Variants in MACIR observed in about 807,000 individuals in gnomAD.
MACIR encodes the protein UNC119-binding protein C5orf30.
MACIR carries 4 observed loss-of-function variants against 14.3 expected under a neutral mutation model. That is an observed-to-expected ratio of 0.28 (90% CI 0.14 to 0.64). The LOEUF is 0.64. Ranked by LOEUF, MACIR falls within the 30% of genes least tolerant of loss-of-function variation. MACIR has a pLI of 0.83. For missense variants in MACIR, 228 were observed against 257.6 expected (o/e 0.89, Z 0.79); for synonymous variants, 101 against 102.4 (o/e 0.99, Z 0.08).
chr5:103,263,669 A>G (rs1415193467), intron 1 of MACIR, among the ~76,000 whole-genome samples: 1 of 152,198 alleles, frequency 6.6e-6, no homozygotes, highest in Non-Finnish European at 1.5e-5. Flanking sequence ...GAGATTTAAG[A>G]CTGTCAAAAC....
At position 103,261,926 on chromosome 5, in the gene MACIR, T is replaced by A. The variant is rs1445912400; in HGVS notation, c.-114+3030T>A. Among the ~76,000 whole-genome samples, 9 of 152,256 alleles carry A rather than the reference T, an allele frequency of 5.9e-5. No individual in the cohort carries two copies. In the East Asian group the frequency reaches 1.7e-3, roughly 29 times the overall value. On this transcript the variant is annotated intron_variant, in intron 1 of 2. Coordinates refer to ENST00000319933, the MANE Select transcript of MACIR (RefSeq NM_033211.4). ...AATATTTGAAAGGGCTATGTGCTGGTCCTCATATTTATAGTCTTATGATTT... is the reference window on the plus strand; with the variant it reads ...AATATTTGAAAGGGCTATGTGCTGGACCTCATATTTATAGTCTTATGATTT...
At chr5:103,264,218 T>C (rs1045355646) in intron 1 of MACIR, among the ~76,000 whole-genome samples, 1 of 152,086 alleles carries the variant, frequency 6.6e-6, no homozygotes, top group African/African-American at 2.4e-5. Context: ...GTCAGACCAA[T>C]TGGGGTTCCA....
intron 1 of MACIR, among the ~76,000 whole-genome samples, chr5:103,265,199 C>T (rs142724561): frequency 7.9e-4 from 121 of 152,212 alleles, no homozygotes; most frequent in African/African-American, 2.9e-3. Context: ...AGTGCTTTTT[C>T]AGTCACTCTC....
At chr5:103,274,878 A>G (rs1805263137) in intron 2 of MACIR, among the ~76,000 whole-genome samples, 1 of 152,200 alleles carries the variant, frequency 6.6e-6, no homozygotes, top group East Asian at 1.9e-4. Context: ...GCAAGTACAA[A>G]TAGTTTCTCA....
intron 2 of MACIR, among the ~76,000 whole-genome samples, chr5:103,271,717 G>C (rs1805133433): frequency 6.6e-6 from 1 of 151,942 alleles, no homozygotes; most frequent in Non-Finnish European, 1.5e-5. Flanking sequence ...ATTGTTCCTG[G>C]TACTTTTTAA....
In MACIR at chr5:103,276,420, T is replaced by C; in HGVS notation, c.501T>C (p.Ser167=). 1 of 1,613,960 alleles carries C rather than the reference T, an allele frequency of 6.2e-7. No individual in the cohort carries two copies. Among genetic ancestry groups the C allele is most frequent in the Non-Finnish European group, 8.5e-7 (1 of 1,179,996 alleles). Residue 167 remains serine, a synonymous_variant, in exon 3 of 3, where the codon TCT becomes TCC. Transcript: ENST00000319933. ...AAGGTAAGAGGGCTCACTCCAAATCTCTGGACTACCTCAATCTAGATAAAA... is the reference window on the plus strand; with the variant it reads ...AAGGTAAGAGGGCTCACTCCAAATCCCTGGACTACCTCAATCTAGATAAAA... ...LLKGKRAHSK[S]LDYLNLDKMI... is the part of the protein sequence containing the mutation.
rs563937543 is a variant in MACIR, at chr5:103,270,775, A to C, written c.-24+4778A>C. On this transcript the variant is annotated intron_variant, in intron 2 of 2. Transcript: ENST00000319933. ...TAATTTTTGTTTCTAGGAGTGTGTC[A>C]CTGACTCAGACACCCTATAGCATAG... Among the ~76,000 whole-genome samples the C allele has an allele frequency of 3.3e-5, 5 of 152,218 alleles. No individual in the cohort carries two copies. In the East Asian group the frequency reaches 5.8e-4, roughly 18 times the overall value.
intron 1 of MACIR, among the ~76,000 whole-genome samples, chr5:103,262,008 A>G (rs1262728281): frequency 6.6e-6 from 1 of 152,248 alleles, no homozygotes; most frequent in African/African-American, 2.4e-5. Context: ...TCTGTGCTGA[A>G]GCTTGAGATT....
chr5:103,259,324 C>A (rs1804575817), intron 1 of MACIR: 1 of 151,984 alleles, frequency 6.6e-6, no homozygotes, highest in African/African-American at 2.4e-5. Context: ...GTCGTGCGCT[C>A]GCTGGGGAGG....
intron 2 of MACIR, among the ~76,000 whole-genome samples, chr5:103,275,127 T>G (rs1316698338): frequency 2.0e-5 from 3 of 152,240 alleles, no homozygotes; most frequent in African/African-American, 7.2e-5. Context: ...AAGCCTGTGG[T>G]GTATTTTATG....
rs1316791094 is a variant in MACIR at position 103,276,196 on chromosome 5, T to C, written c.277T>C (p.Ser93Pro). The change falls in exon 3 of 3, where the codon TCC becomes CCC. Residue 93 changes from serine to proline, a missense_variant. Physicochemically the swap from Ser to Pro is moderately conservative, Grantham distance 74 (BLOSUM62 -1). Transcript: ENST00000319933. The stretch of plus-strand genomic sequence containing the variant: ...AGCAGAAGCCATGCCATCCTTACGC[T>C]CCAAACAGCTAGATGCAGGACTTGC... ...SKAEAMPSLR[S>P]KQLDAGLARS... 1.2e-6 allele frequency: 2 copies of C among 1,613,418 alleles called. No individual in the cohort carries two copies. The highest frequency in any genetic ancestry group is 2.7e-5 in the African/African-American group (2 of 74,662).
intron 2 of MACIR, among the ~76,000 whole-genome samples, chr5:103,267,094 G>C (rs1306592542): frequency 1.3e-5 from 2 of 152,064 alleles, no homozygotes; most frequent in Non-Finnish European, 2.9e-5. Context: ...GAATGTATGT[G>C]TATCTATGTC....
intron 2 of MACIR, among the ~76,000 whole-genome samples, chr5:103,270,939 A>C (rs942486336): frequency 2.6e-5 from 4 of 152,162 alleles, no homozygotes; most frequent in African/African-American, 7.2e-5. Context: ...CATGAAAAAT[A>C]TGTTTGATAA....
At chr5:103,263,115 T>C (rs527766968) in intron 1 of MACIR, among the ~76,000 whole-genome samples, 123 of 152,308 alleles carry the variant, frequency 8.1e-4, no homozygotes, top group African/African-American at 2.8e-3. Flanking sequence ...TTATGGGTTA[T>C]GTCTTAAAGA....
rs782230140 is a variant in MACIR at position 103,276,047 on chromosome 5, C to T, written c.128C>T (p.Pro43Leu). 4 of 1,614,090 alleles carry T rather than the reference C, an allele frequency of 2.5e-6. No homozygotes were observed. The highest frequency in any genetic ancestry group is 2.2e-5 in the East Asian group (1 of 44,870). Residue 43 changes from proline to leucine, a missense_variant, in exon 3 of 3, where the codon CCG (proline) becomes CTG (leucine). Pro to Leu is a moderately conservative substitution (Grantham distance 98). Transcript: ENST00000319933. ...CGCTGCTCCAGCACACCCTGCTCCC[C>T]GATGCGGAGGACCGTGTCAGGCTAC... The part of the protein sequence containing the change: ...KPRCSSTPCS[P>L]MRRTVSGYQI...
chr5:103,274,033 T>A (rs1805231499), intron 2 of MACIR, among the ~76,000 whole-genome samples: 2 of 152,114 alleles, frequency 1.3e-5, no homozygotes, highest in South Asian at 4.1e-4. Context: ...TTTGCCTCAC[T>A]GACCCTCCTT....
At chr5:103,260,853 C>G (rs1463450819) in intron 1 of MACIR, among the ~76,000 whole-genome samples, 1 of 152,196 alleles carries the variant, frequency 6.6e-6, no homozygotes, top group Admixed American at 6.5e-5. Flanking sequence ...GATTTTGTCA[C>G]CAGCCTATCA....
chr5:103,272,403 C>G (rs892943969), intron 2 of MACIR, among the ~76,000 whole-genome samples: 1 of 150,940 alleles, frequency 6.6e-6, no homozygotes, highest in Non-Finnish European at 1.5e-5. Context: ...AGGAGGTACC[C>G]AGACTTCTTC....
At chr5:103,273,992 T>G (rs1284300329) in intron 2 of MACIR, among the ~76,000 whole-genome samples, 1 of 152,086 alleles carries the variant, frequency 6.6e-6, no homozygotes, top group Non-Finnish European at 1.5e-5. Flanking sequence ...TGTGAGTGTG[T>G]GCCCTTTCCT....
Sources: gnomAD v4.1 joint callset for allele counts (sites outside exome capture counted in the v4.1 genomes callset) on GRCh38, gnomAD v4.1.1 for gene constraint, MANE v1.5 for transcripts, NCBI Gene and HGNC (gene_info 2026-07-23, HGNC 2026-07-21) for gene names.